The following KIZ variants were observed in gnomAD, a reference collection of about 807,000 sequenced individuals.
KIZ encodes the protein centrosomal protein kizuna.
KIZ carries 68 observed loss-of-function variants against 79.6 expected under a neutral mutation model. The ratio of observed to expected loss-of-function variants is 0.85; its 90% CI spans 0.70 to 1.05. KIZ has a LOEUF of 1.05. KIZ is among the 50% of genes least tolerant of loss of function. The pLI is 0.00. For synonymous variants in KIZ, 280 were observed against 281.8 expected (o/e 0.99, Z 0.06); for missense variants, 797 against 800.4 (o/e 1.00, Z 0.05).
Position 21,244,488 on chromosome 20 carries a change from T to C in KIZ, c.1924+200T>C, listed in dbSNP as rs2037324536. ...CACAGACAGGACCACACGGGTGCCA[T>C]GGACCACAGGGGCAGAGCATTGTAA... On this transcript the variant is annotated intron_variant, in intron 12 of 12. Coordinates refer to ENST00000619189, the MANE Select transcript of KIZ (RefSeq NM_018474.6). 8.5e-6 allele frequency: 5 copies of C among 590,730 alleles called. No homozygotes were observed. In the South Asian group the frequency reaches 1.1e-4, roughly 13 times the overall value. The allele number at this position is 590,730 out of a possible 1,614,324, so 36.6% of individuals were successfully genotyped here. A position where few individuals can be genotyped will look rare whatever the true frequency, so the allele number is the denominator to read the frequency against.
intron 4 of KIZ, among the ~76,000 whole-genome samples, chr20:21,147,336 G>A (rs1367893150): frequency 7.2e-5 from 11 of 152,148 alleles, no homozygotes; most frequent in African/African-American, 2.4e-4. Context: ...TATAAGAATC[G>A]ATTAGGTAAC....
At chr20:21,140,861 A>C (rs2032478399) in intron 3 of KIZ, among the ~76,000 whole-genome samples, 1 of 151,852 alleles carries the variant, frequency 6.6e-6, no homozygotes, top group Non-Finnish European at 1.5e-5. Context: ...AAAATTAGCC[A>C]GCTGTAGGAG....
At chr20:21,143,236 A>T (rs2032667765) in intron 3 of KIZ, among the ~76,000 whole-genome samples, 1 of 151,612 alleles carries the variant, frequency 6.6e-6, no homozygotes, top group South Asian at 2.1e-4. Context: ...ATGTGAGGAG[A>T]CAGGGCCAGC....
intron 6 of KIZ, among the ~76,000 whole-genome samples, chr20:21,168,189 CG>C (rs1372432461): frequency 2.6e-5 from 4 of 152,070 alleles, no homozygotes; most frequent in Non-Finnish European, 5.9e-5. Flanking sequence ...TTTGTCCTTG[CG>C]ATAATTTGCT....
intron 9 of KIZ, among the ~76,000 whole-genome samples, chr20:21,223,346 G>A (rs1600587054): frequency 6.6e-6 from 1 of 152,288 alleles, no homozygotes; most frequent in South Asian, 2.1e-4. Context: ...TTGCCCCATA[G>A]AAGTTAAGAC....
chr20:21,150,415 CA>C (rs1164141614), intron 4 of KIZ, among the ~76,000 whole-genome samples: 1 of 152,212 alleles, frequency 6.6e-6, no homozygotes, highest in Non-Finnish European at 1.5e-5. Context: ...AATCACTGCT[CA>C]ACTATAAACA....
intron 7 of KIZ, among the ~76,000 whole-genome samples, chr20:21,207,997 G>A (rs528943687): frequency 6.6e-6 from 1 of 152,146 alleles, no homozygotes; most frequent in African/African-American, 2.4e-5. Flanking sequence ...TTGCAGATAT[G>A]AGCCACCACG....
intron 6 of KIZ, among the ~76,000 whole-genome samples, chr20:21,177,028 A>G (rs1038056555): frequency 3.3e-5 from 5 of 152,228 alleles, no homozygotes; most frequent in Admixed American, 3.3e-4. Context: ...TGGTTTCTAG[A>G]TCTTCGCTAT....
intron 6 of KIZ, among the ~76,000 whole-genome samples, chr20:21,187,959 C>A (rs1193553687): frequency 6.6e-6 from 1 of 152,150 alleles, no homozygotes; most frequent in African/African-American, 2.4e-5. Flanking sequence ...GAAAATGACA[C>A]CCCAAAGGGA....
chr20:21,145,267 A>G (rs925870244), intron 3 of KIZ, among the ~76,000 whole-genome samples: 17 of 151,942 alleles, frequency 1.1e-4, no homozygotes, highest in Non-Finnish European at 2.1e-4. Context: ...ATCAAACTGT[A>G]TACATATATA....
At chr20:21,217,298 A>G (rs2036333141) in intron 9 of KIZ, among the ~76,000 whole-genome samples, 1 of 152,230 alleles carries the variant, frequency 6.6e-6, no homozygotes, top group Non-Finnish European at 1.5e-5. Flanking sequence ...TGCTTTGTCC[A>G]TCATTGCAGC....
At chr20:21,141,852 G>A (rs2032560261) in intron 3 of KIZ, among the ~76,000 whole-genome samples, 1 of 145,466 alleles carries the variant, frequency 6.9e-6, no homozygotes, top group Non-Finnish European at 1.5e-5. Context: ...CTCTCTCTGT[G>A]TTTGTCTCTC....
chr20:21,130,143 G>A (rs540689310), intron 1 of KIZ, among the ~76,000 whole-genome samples: 93 of 152,130 alleles, frequency 6.1e-4, no homozygotes, highest in Non-Finnish European at 1.1e-3. Context: ...CCTGCAAACC[G>A]CGGTTGCATT....
chr20:21,159,530 G>C (rs721785), intron 4 of KIZ, among the ~76,000 whole-genome samples: 5 of 149,520 alleles, frequency 3.3e-5, no homozygotes, highest in African/African-American at 1.3e-4. Context: ...CCAGCCCTTC[G>C]GTCCCCAGCC....
Position 21,232,744 on chromosome 20 carries a change from T to G in KIZ, c.1794T>G (p.Ile598Met). 6.4e-7 allele frequency: 1 copy of G among 1,573,310 alleles called. No individual in the cohort carries two copies. Among genetic ancestry groups the G allele is most frequent in the Non-Finnish European group, 8.7e-7 (1 of 1,150,210 alleles). Reference protein sequence around the residue: ...ASVSHLSGLNIGSGAFETKTA... With the variant: ...ASVSHLSGLNMGSGAFETKTA... ...TTACGCTTATCACAGGTTTGAATAT[T>G]GGCAGCGGTGCATTCGAGACAAAGA... The change falls in exon 11 of 13, where the codon ATT (isoleucine) becomes ATG (methionine). Residue 598 changes from isoleucine (I) to methionine (M), a missense_variant. By Grantham distance (10) the Ile-to-Met change is conservative. Coordinates refer to ENST00000619189, the MANE Select transcript of KIZ (RefSeq NM_018474.6).
intron 6 of KIZ, among the ~76,000 whole-genome samples, chr20:21,190,964 TGGA>T (rs1433764074): frequency 6.6e-6 from 1 of 152,054 alleles, no homozygotes; most frequent in Non-Finnish European, 1.5e-5. Context: ...AATTGTAAGA[TGGA>T]GGAGGAGGGA....
intron 6 of KIZ, chr20:21,194,242 G>A (rs560745742): frequency 2.0e-5 from 3 of 152,148 alleles, no homozygotes; most frequent in African/African-American, 7.2e-5. Flanking sequence ...CATTCAGCAG[G>A]TTCCTCCACC....
chr20:21,241,275 G>A (rs1464167860), intron 11 of KIZ, among the ~76,000 whole-genome samples: 1 of 152,136 alleles, frequency 6.6e-6, no homozygotes, highest in Non-Finnish European at 1.5e-5. Flanking sequence ...CAAGAATTCT[G>A]TATAATAAAA....
At chr20:21,139,254 G>C (rs2032381317) in intron 3 of KIZ, among the ~76,000 whole-genome samples, 1 of 151,816 alleles carries the variant, frequency 6.6e-6, no homozygotes, top group South Asian at 2.1e-4. Flanking sequence ...AGCCTTCTTT[G>C]ATCTGGGGCA....
Sources: allele counts gnomAD v4.1 joint callset (sites outside exome capture counted in the v4.1 genomes callset), GRCh38; gene constraint gnomAD v4.1.1; transcripts MANE v1.5; gene names NCBI Gene and HGNC (gene_info 2026-07-23, HGNC 2026-07-21).